NSUN6: variants seen among roughly 807,000 people sequenced by gnomAD.
NSUN6 encodes the protein NOP2/Sun RNA methyltransferase 6, also known as tRNA (cytosine(72)-C(5))-methyltransferase NSUN6.
In NSUN6, 64 loss-of-function variants were observed where a neutral mutation model predicts 58.0. The observed-to-expected ratio is 1.10, with a 90% CI of 0.90 to 1.36. The LOEUF (loss-of-function observed/expected upper bound fraction) is 1.36. Among genes scored for constraint, NSUN6 ranks in the 40% most tolerant of loss-of-function variants. The pLI is 0.00. For synonymous variants in NSUN6, 231 were observed against 193.9 expected (o/e 1.19, Z -1.59); for missense variants, 701 against 550.1 (o/e 1.27, Z -2.74).
intron 7 of NSUN6, among the ~76,000 whole-genome samples, chr10:18,588,026 C>A (rs900140117): frequency 6.6e-6 from 1 of 152,320 alleles, no homozygotes; most frequent in East Asian, 1.9e-4. Context: ...GAACCACTGG[C>A]TTGAAATTCT....
chr10:18,637,576 T>C (rs2059260014), intron 3 of NSUN6, among the ~76,000 whole-genome samples: 1 of 152,248 alleles, frequency 6.6e-6, no homozygotes, highest in Non-Finnish European at 1.5e-5. Flanking sequence ...AATCTGGTAA[T>C]ATGTCTCCAA....
At chr10:18,653,364 G>C (rs901749975), upstream of NSUN6, 101 of 976,792 alleles carry the variant, frequency 1.0e-4, no homozygotes, top group Middle Eastern at 5.2e-4. Context: ...ACAGAATTGA[G>C]GACATTTAGA....
chr10:18,611,550 C>T (rs2058236241), intron 5 of NSUN6, among the ~76,000 whole-genome samples: 1 of 152,110 alleles, frequency 6.6e-6, no homozygotes, highest in Non-Finnish European at 1.5e-5. Context: ...TATTTTCAGA[C>T]ACAGGGTCTC....
In NSUN6 at chr10:18,554,514, G is replaced by A. The variant is rs147297758; in HGVS notation, c.923-2543C>T. ...AAGGGAGAATGGAATGGAATCAATC[G>A]GAACGTGGAATGCAGAATGGGTATG... On this transcript the variant is annotated intron_variant, in intron 8 of 10. Transcript: ENST00000377304. Among the ~76,000 whole-genome samples the A allele has an allele frequency of 4.2e-3, 629 of 150,574 alleles. 4 individuals are homozygous for A. Among genetic ancestry groups the A allele is most frequent in the Non-Finnish European group, 6.8e-3 (458 of 67,416 alleles).
At chr10:18,628,811 T>C (rs1383934348) in intron 3 of NSUN6, among the ~76,000 whole-genome samples, 4 of 152,140 alleles carry the variant, frequency 2.6e-5, no homozygotes, top group South Asian at 4.1e-4. Context: ...GAGAATGGAA[T>C]CAAGTTGGAA....
chr10:18,631,380 C>A (rs2059024787), intron 3 of NSUN6, among the ~76,000 whole-genome samples: 1 of 144,502 alleles, frequency 6.9e-6, no homozygotes, highest in Non-Finnish European at 1.5e-5. Context: ...TCCTATTCAA[C>A]ACAGTGTTGG....
At chr10:18,600,300 G>C (rs186282470) in intron 6 of NSUN6, among the ~76,000 whole-genome samples, 26 of 152,152 alleles carry the variant, frequency 1.7e-4, no homozygotes, top group Admixed American at 1.6e-3. Context: ...ATGTCCTCCT[G>C]TCCTGTACAA....
At chr10:18,621,160 G>C (rs549023021) in intron 3 of NSUN6, among the ~76,000 whole-genome samples, 2 of 152,282 alleles carry the variant, frequency 1.3e-5, no homozygotes, top group East Asian at 3.9e-4. Flanking sequence ...TCCAGAATGT[G>C]GGTATGTACC....
intron 3 of NSUN6, among the ~76,000 whole-genome samples, chr10:18,620,816 T>C (rs2058578597): frequency 1.3e-5 from 2 of 152,362 alleles, no homozygotes; most frequent in Non-Finnish European, 1.5e-5. Flanking sequence ...TATAGAACTA[T>C]GTCTCATTCA....
intron 9 of NSUN6, among the ~76,000 whole-genome samples, chr10:18,550,996 G>C (rs959375625): frequency 5.9e-5 from 9 of 152,250 alleles, no homozygotes; most frequent in Non-Finnish European, 8.8e-5. Flanking sequence ...AAAGTGCTGA[G>C]ATGATGGGCG....
At chr10:18,567,183 C>CTAT in intron 8 of NSUN6, among the ~76,000 whole-genome samples, 1 of 150,088 alleles carries the variant, frequency 6.7e-6, no homozygotes, top group Non-Finnish European at 1.5e-5. Context: ...CTATTCCATT[C>CTAT]TCCCTTCCAG....
chr10:18,554,095 T>A (rs1564705409), intron 8 of NSUN6, among the ~76,000 whole-genome samples: 1 of 148,912 alleles, frequency 6.7e-6, no homozygotes, highest in African/African-American at 2.5e-5. Flanking sequence ...GAGACTGGAA[T>A]GGAATGGACA....
At chr10:18,637,188 C>T (rs1429482964) in intron 3 of NSUN6, among the ~76,000 whole-genome samples, 1 of 152,040 alleles carries the variant, frequency 6.6e-6, no homozygotes, top group African/African-American at 2.4e-5. Flanking sequence ...GTCTAAAACT[C>T]CTGGCCTCAG....
In NSUN6 at chr10:18,551,921, G is replaced by A. The variant is rs769253645; in HGVS notation, c.973C>T (p.Pro325Ser). The change falls in exon 9 of 11, where the codon CCC becomes TCC. Residue 325 changes from proline to serine, a missense_variant. Transcript: ENST00000377304. ...GGTCTCTGTCCCATTCCACTACAGG[G>A]TGCATCCAGAAGAATTCGGTCAAAG... ...ESFDRILLDAPCSGMGQRPNM... is the reference protein window; with the variant it reads ...ESFDRILLDASCSGMGQRPNM... 1.2e-6 allele frequency: 2 copies of A among 1,609,756 alleles called. No individual in the cohort carries two copies. The highest frequency in any genetic ancestry group is 2.2e-5 in the South Asian group (2 of 90,802).
At chr10:18,622,057 CACAG>C (rs1453068075) in intron 3 of NSUN6, among the ~76,000 whole-genome samples, 1 of 151,920 alleles carries the variant, frequency 6.6e-6, no homozygotes, top group Non-Finnish European at 1.5e-5. Flanking sequence ...CACACACACA[CACAG>C]ACACACACAC....
Position 18,651,180 on chromosome 10 carries a change from A to G in NSUN6, c.24T>C (p.Ser8=). The G allele has an allele frequency of 6.3e-7, 1 of 1,578,344 alleles. No homozygotes were observed. Among genetic ancestry groups the G allele is most frequent in the African/African-American group, 1.4e-5 (1 of 72,394 alleles). ...GATAGTTTTCAACCTCAGGTCTCAA[A>G]GATATCTTAGGGAAAATAGACATTT... MSIFPKI[S]LRPEVENYLK... The change falls in exon 1 of 11, where the codon TCT becomes TCC. Residue 8 remains serine, a synonymous_variant. Coordinates refer to ENST00000377304, the MANE Select transcript of NSUN6 (RefSeq NM_182543.5).
chr10:18,652,667 C>CTCCT, upstream of NSUN6: 1 of 712,034 alleles, frequency 1.4e-6, no homozygotes, highest in Non-Finnish European at 1.7e-6. Flanking sequence ...TCAAGAGATT[C>CTCCT]TCCTGCCTTG....
chr10:18,656,964 C>T (rs1384244678), upstream of NSUN6, among the ~76,000 whole-genome samples: 3 of 151,828 alleles, frequency 2.0e-5, no homozygotes, highest in African/African-American at 7.3e-5. Flanking sequence ...TTAGTCGGGA[C>T]TACACATGTG....
In NSUN6 at chr10:18,600,941, A is replaced by AAAAAATAT. The variant is rs1487679670; in HGVS notation, c.658-4615_658-4614insATATTTTT. Among the ~76,000 whole-genome samples the AAAAAATAT allele has an allele frequency of 6.4e-4, 28 of 43,540 alleles. 1 individual carries two copies. Among genetic ancestry groups the AAAAAATAT allele is most frequent in the African/African-American group, 2.0e-3 (25 of 12,498 alleles). The allele number at this position is 43,540 out of a possible 152,430, so 28.6% of individuals were successfully genotyped here. A position where few individuals can be genotyped will look rare whatever the true frequency, so the allele number is the denominator to read the frequency against. ...AGACTCCATCTCAAAAAAAAAAAAA[A>AAAAAATAT]ATATATATATATATATATACATATA... is the stretch of plus-strand genomic sequence containing the variant. On this transcript the variant is annotated intron_variant, in intron 6 of 10. Transcript: ENST00000377304.
Sources: allele counts gnomAD v4.1 joint callset (sites outside exome capture counted in the v4.1 genomes callset), GRCh38; gene constraint gnomAD v4.1.1; transcripts MANE v1.5; gene names NCBI Gene and HGNC (gene_info 2026-07-23, HGNC 2026-07-21).